The following SLC28A2 variants were observed in gnomAD, a reference collection of about 807,000 sequenced individuals.
SLC28A2 encodes the protein solute carrier family 28 member 2.
SLC28A2 carries 69 observed loss-of-function variants against 72.9 expected under a neutral mutation model. The ratio of observed to expected loss-of-function variants is 0.95; its 90% CI spans 0.78 to 1.16. The LOEUF is 1.16. SLC28A2 is among the 50% of genes most tolerant of loss of function. The pLI, the probability that SLC28A2 is intolerant of heterozygous loss-of-function variation, is 0.00. For synonymous variants in SLC28A2, 296 were observed against 294.1 expected (o/e 1.01, Z -0.07); for missense variants, 745 against 791.1 (o/e 0.94, Z 0.70).
Position 45,272,776 on chromosome 15 carries a change from C to G in SLC28A2, c.1851C>G (p.Leu617=). 1.3e-6 allele frequency: 2 copies of G among 1,580,800 alleles called. No homozygotes were observed. The highest frequency in any genetic ancestry group is 1.7e-6 in the Non-Finnish European group (2 of 1,149,516). ...TYETYMCCRG[L]FQSTSLNGTN... ...AGACCTACATGTGCTGCAGAGGGCT[C>G]TTTCAGAGGTGAGCACCAGGACCCC... Residue 617 remains leucine, a synonymous_variant, in exon 17 of 18, where the codon CTC becomes CTG. Coordinates refer to ENST00000347644, the MANE Select transcript of SLC28A2 (RefSeq NM_004212.4).
chr15:45,268,061 CA>C (rs899191642), intron 12 of SLC28A2, 148 bp from the exon 13 acceptor site: 1 of 776,246 alleles, frequency 1.3e-6, no homozygotes, highest in African/African-American at 1.8e-5. Context: ...GAGTAATTTC[CA>C]CTAATAGGGT....
Position 45,268,496 on chromosome 15 carries a change from T to C in SLC28A2, c.1368+118T>C, listed in dbSNP as rs111821103. On this transcript the variant is annotated intron_variant, in intron 13 of 17. Transcript: ENST00000347644. ...CATCTCACACCAGTTAGAATGGCAATCATTAAAAAGTCAGGAAACAACAGG... is the reference window on the plus strand; with the variant it reads ...CATCTCACACCAGTTAGAATGGCAACCATTAAAAAGTCAGGAAACAACAGG... The C allele has an allele frequency of 0.027, 22,820 of 849,360 alleles. 3,049 individuals carry two copies. In the African/African-American group the frequency reaches 0.31, roughly 12 times the overall value. The allele number at this position is 849,360 out of a possible 1,614,324, so 52.6% of individuals were successfully genotyped here. A position where few individuals can be genotyped will look rare whatever the true frequency, so the allele number is the denominator to read the frequency against.
intron 10 of SLC28A2, 22 bp from the exon 11 acceptor site, chr15:45,267,433 A>T (rs1438616361): frequency 6.2e-7 from 1 of 1,613,736 alleles, no homozygotes; most frequent in Non-Finnish European, 8.5e-7. Context: ...TTGGAATCTG[A>T]CTGTTTTCTC....
intron 13 of SLC28A2, among the ~76,000 whole-genome samples, chr15:45,269,050 G>T (rs1407724091): frequency 6.6e-6 from 1 of 150,382 alleles, no homozygotes; most frequent in African/African-American, 2.4e-5. Context: ...ATGGCATTAG[G>T]AGATATACCT....
At position 45,266,081 on chromosome 15, in the gene SLC28A2, G is replaced by A. The variant is rs774205039; in HGVS notation, c.862G>A (p.Val288Ile). 2.2e-5 allele frequency: 36 copies of A among 1,609,328 alleles called. No individual in the cohort carries two copies. The highest frequency in any genetic ancestry group is 2.9e-5 in the Non-Finnish European group (34 of 1,175,854). Residue 288 changes from valine (V) to isoleucine (I), a missense_variant and splice_region_variant, in exon 10 of 18, where the codon GTC becomes ATC. Physicochemically the swap from Val to Ile is conservative, Grantham distance 29. Coordinates refer to ENST00000347644, the MANE Select transcript of SLC28A2 (RefSeq NM_004212.4). ...GGTTTAGGTTTCTGTATTCTTCTAG[G>A]TCGCCTGGTTTTTACAAATCACTAT... ...LGLVQWVVQK[V>I]AWFLQITMGT...
At chr15:45,267,069 T>G (rs746705951) in intron 10 of SLC28A2, among the ~76,000 whole-genome samples, 7 of 152,254 alleles carry the variant, frequency 4.6e-5, no homozygotes, top group Admixed American at 1.3e-4. Flanking sequence ...TGAGTACTGT[T>G]TAAGCATCTA....
At chr15:45,267,309 T>A in intron 10 of SLC28A2, 146 bp from the exon 11 acceptor site, 1 of 844,232 alleles carries the variant, frequency 1.2e-6, no homozygotes, top group Admixed American at 2.2e-5. Flanking sequence ...GGCTCCGTGC[T>A]CACTAAGTGA....
intron 13 of SLC28A2, among the ~76,000 whole-genome samples, chr15:45,268,882 T>C (rs938968161): frequency 5.9e-5 from 9 of 151,636 alleles, no homozygotes; most frequent in Non-Finnish European, 1.0e-4. Context: ...ATGGATGAAA[T>C]TGGAAATCAT....
Position 45,253,484 on chromosome 15 carries a change from G to GC in SLC28A2, c.136dup (p.Leu46ProfsTer94). 6.2e-7 allele frequency: 1 copy of GC among 1,613,922 alleles called. No individual in the cohort carries two copies. Among genetic ancestry groups the GC allele is most frequent in the Admixed American group, 1.7e-5 (1 of 60,026 alleles). ...AAGAGGACTGACGCACAAGGACACA[G>GC]CCTGGGGGATGGACTGGGCCCTTCC... On this transcript the variant is annotated frameshift_variant, in exon 3 of 18. Transcript: ENST00000347644. LOFTEE classifies it high-confidence loss of function.
At chr15:45,274,890 C>G (rs912280648) in intron 17 of SLC28A2, among the ~76,000 whole-genome samples, 1 of 151,996 alleles carries the variant, frequency 6.6e-6, no homozygotes, top group Admixed American at 6.6e-5. Flanking sequence ...GTCACCATGC[C>G]TGGTTAATTT....
chr15:45,263,326 G>C, intron 5 of SLC28A2, 82 bp downstream of exon 5: 1 of 1,403,142 alleles, frequency 7.1e-7, no homozygotes, highest in Non-Finnish European at 9.7e-7. Flanking sequence ...TGCTGAGCAG[G>C]CTCTCAGACC....
intron 3 of SLC28A2, 162 bp downstream of exon 3, chr15:45,253,682 TA>T (rs201196971): frequency 5.4e-4 from 263 of 491,564 alleles, no homozygotes; most frequent in South Asian, 7.8e-4. Context: ...ATAAACTCCA[TA>T]AAAAAAAAGG....
In SLC28A2 at chr15:45,253,449, T is replaced by G. The variant is rs1483977918; in HGVS notation, c.99T>G (p.Pro33=). ...GLELMEKEVE[P]EGSKRTDAQG... ...GCTTGTAGGAAAAAGAAGTAGAGCC[T>G]GAGGGAAGCAAGAGGACTGACGCAC... Residue 33 remains proline (P), a synonymous_variant, in exon 3 of 18, where the codon CCT becomes CCG. Coordinates refer to ENST00000347644, the MANE Select transcript of SLC28A2 (RefSeq NM_004212.4). 6.2e-7 allele frequency: 1 copy of G among 1,613,584 alleles called. No homozygotes were observed. The highest frequency in any genetic ancestry group is 1.3e-5 in the African/African-American group (1 of 74,874).
Position 45,269,404 on chromosome 15 carries a change from A to T in SLC28A2, c.1435A>T (p.Met479Leu). 1 of 1,613,694 alleles carries T rather than the reference A, an allele frequency of 6.2e-7. No homozygotes were observed. Among genetic ancestry groups the T allele is most frequent in the South Asian group, 1.1e-5 (1 of 91,040 alleles). Residue 479 changes from methionine (M) to leucine (L), a missense_variant, in exon 14 of 18, where the codon ATG (methionine) becomes TTG (leucine). By Grantham distance (15) the Met-to-Leu change is conservative. Coordinates refer to ENST00000347644, the MANE Select transcript of SLC28A2 (RefSeq NM_004212.4). ...GGGTGTAGAGTGGACAGACTGTCCA[A>T]TGGTGGCTGAGATGGTGGGAATCAA... ...MMGVEWTDCP[M>L]VAEMVGIKFF...
At chr15:45,257,416 G>A (rs1162900828) in intron 3 of SLC28A2, among the ~76,000 whole-genome samples, 1 of 152,154 alleles carries the variant, frequency 6.6e-6, no homozygotes, top group Non-Finnish European at 1.5e-5. Flanking sequence ...CAAGATCAAT[G>A]TCTATTTCAT....
chr15:45,267,730 A>T lies in SLC28A2; in HGVS notation c.1133A>T (p.Lys378Met), dbSNP rs1457026815. The T allele has an allele frequency of 1.2e-6, 2 of 1,613,972 alleles. No individual in the cohort carries two copies. Among genetic ancestry groups the T allele is most frequent in the Admixed American group, 3.3e-5 (2 of 59,994 alleles). ...MAAPCALASSKLAYPEVEESK... is the reference protein window; with the variant it reads ...MAAPCALASSMLAYPEVEESK... Reference sequence around the variant, plus strand: ...GCCCCTTGTGCTCTCGCCTCATCAAAGCTAGCGTATCCGGAAGTGGAGGAG... The same window carrying T: ...GCCCCTTGTGCTCTCGCCTCATCAATGCTAGCGTATCCGGAAGTGGAGGAG... Residue 378 changes from lysine (K) to methionine (M), a missense_variant, in exon 12 of 18, where the codon AAG becomes ATG. Lys to Met is a moderately conservative substitution (Grantham distance 95). Coordinates refer to ENST00000347644, the MANE Select transcript of SLC28A2 (RefSeq NM_004212.4).
chr15:45,267,477 G>A lies in SLC28A2; in HGVS notation c.965G>A (p.Arg322His), dbSNP rs766781227. 63 of 1,614,030 alleles carry A rather than the reference G, an allele frequency of 3.9e-5. No individual in the cohort carries two copies. Among genetic ancestry groups the A allele is most frequent in the South Asian group, 5.5e-5 (5 of 91,086 alleles). ...VGMTEAPLLI[R>H]PYLGDMTLSE... is the part of the protein sequence containing the mutation. ...TAGACAGAGGCACCTCTGCTCATCCGTCCCTACCTTGGGGACATGACACTC... is the reference window on the plus strand; with the variant it reads ...TAGACAGAGGCACCTCTGCTCATCCATCCCTACCTTGGGGACATGACACTC... The change falls in exon 11 of 18, where the codon CGT (arginine) becomes CAT (histidine). Residue 322 changes from arginine (R) to histidine (H), a missense_variant. Coordinates refer to ENST00000347644, the MANE Select transcript of SLC28A2 (RefSeq NM_004212.4).
At chr15:45,267,411 A>T in intron 10 of SLC28A2, 44 bp from the exon 11 acceptor site, 4 of 1,611,634 alleles carry the variant, frequency 2.5e-6, no homozygotes, top group Non-Finnish European at 3.4e-6. Flanking sequence ...TGGCATGGGG[A>T]GTTACACCTT....
rs1204623302 is a variant in SLC28A2 at position 45,275,472 on chromosome 15, A to G, written c.1936A>G (p.Thr646Ala). The change falls in exon 18 of 18, where the codon ACT (threonine) becomes GCT (alanine). Residue 646 changes from threonine to alanine, a missense_variant. Coordinates refer to ENST00000347644, the MANE Select transcript of SLC28A2 (RefSeq NM_004212.4). ...EDKEFSAMAL[T>A]NCCGFYNNTV... ...TAAGGAGTTCAGTGCTATGGCCCTT[A>G]CTAACTGCTGTGGATTCTACAACAA... 1 of 1,612,482 alleles carries G rather than the reference A, an allele frequency of 6.2e-7. No homozygotes were observed. The highest frequency in any genetic ancestry group is 1.1e-5 in the South Asian group (1 of 91,036).
Sources: allele counts gnomAD v4.1 joint callset (sites outside exome capture counted in the v4.1 genomes callset), GRCh38; gene constraint gnomAD v4.1.1; transcripts MANE v1.5; gene names NCBI Gene and HGNC (gene_info 2026-07-23, HGNC 2026-07-21).